Variants in SOX5 observed in about 807,000 individuals in gnomAD.
SOX5 encodes transcription factor SOX-5.
SOX5 carries 9 observed loss-of-function variants against 92.0 expected under a neutral mutation model. The observed-to-expected ratio is 0.10, with a 90% CI of 0.06 to 0.17. The LOEUF (loss-of-function observed/expected upper bound fraction) is 0.17, where lower values mean the gene tolerates loss of function less well. SOX5 is among the 10% of genes least tolerant of loss of function. The pLI is 1.00. For missense variants in SOX5, 642 were observed against 944.5 expected (o/e 0.68, Z 4.20); for synonymous variants, 344 against 336.3 (o/e 1.02, Z -0.25).
intron 1 of SOX5, among the ~76,000 whole-genome samples, chr12:24,416,735 G>C (rs2136873752): frequency 6.6e-6 from 1 of 152,300 alleles, no homozygotes; most frequent in East Asian, 1.9e-4. Context: ...AACACAGTTT[G>C]AATAACAATA....
chr12:24,450,816 T>G (rs555523752), intron 1 of SOX5, among the ~76,000 whole-genome samples: 9 of 152,194 alleles, frequency 5.9e-5, no homozygotes, highest in Admixed American at 5.9e-4. Flanking sequence ...TATGTTACAA[T>G]CCAATTATAC....
intron 2 of SOX5, among the ~76,000 whole-genome samples, chr12:24,320,849 A>C (rs144914316): frequency 1.2e-4 from 18 of 146,794 alleles, no homozygotes; most frequent in African/African-American, 4.7e-4. Context: ...TGGGCGACAG[A>C]GCAAGACTCT....
At chr12:23,953,083 A>G (rs1047433925), upstream of SOX5, among the ~76,000 whole-genome samples, 15 of 152,148 alleles carry the variant, frequency 9.9e-5, no homozygotes, top group African/African-American at 3.4e-4. Context: ...GTTTAATTGA[A>G]TATTTTAAAA....
chr12:23,628,922 TTC>T (rs2078183244), intron 8 of SOX5, among the ~76,000 whole-genome samples: 1 of 151,990 alleles, frequency 6.6e-6, no homozygotes, highest in African/African-American at 2.4e-5. Context: ...TTCTTGGTCC[TTC>T]TCTCAGAACA....
At chr12:24,184,592 T>C (rs1423356595) in intron 4 of SOX5, among the ~76,000 whole-genome samples, 1 of 152,148 alleles carries the variant, frequency 6.6e-6, no homozygotes, top group Non-Finnish European at 1.5e-5. Context: ...ACAATGCTAA[T>C]AACCTCACTA....
chr12:23,652,208 C>CTGTT (rs1048617244), intron 7 of SOX5, among the ~76,000 whole-genome samples: 6 of 152,172 alleles, frequency 3.9e-5, no homozygotes, highest in African/African-American at 1.4e-4. Flanking sequence ...ACAGCTGCCT[C>CTGTT]TGTTAATGAT....
chr12:24,048,554 A>G (rs1243906608), intron 4 of SOX5, among the ~76,000 whole-genome samples: 1 of 152,194 alleles, frequency 6.6e-6, no homozygotes, highest in East Asian at 1.9e-4. Flanking sequence ...TCATAACCAC[A>G]TTATTTATAA....
intron 4 of SOX5, among the ~76,000 whole-genome samples, chr12:24,088,141 A>C (rs182338337): frequency 7.2e-6 from 1 of 138,190 alleles, no homozygotes; most frequent in East Asian, 2.0e-4. Context: ...TCTCATCTTT[A>C]AAAAAAAATC....
intron 3 of SOX5, among the ~76,000 whole-genome samples, chr12:23,758,045 CTTT>C (rs1397353365): frequency 7.7e-6 from 1 of 129,062 alleles, no homozygotes; most frequent in Admixed American, 7.9e-5. Flanking sequence ...AGAATAACTT[CTTT>C]AAGACTAAGT....
chr12:23,631,314 ATAAAC>A (rs1406948856), intron 8 of SOX5, among the ~76,000 whole-genome samples: 1 of 152,126 alleles, frequency 6.6e-6, no homozygotes, highest in Non-Finnish European at 1.5e-5. Flanking sequence ...TACTAGTAAA[ATAAAC>A]TAAACCAACA....
At chr12:24,191,364 C>T (rs1053814867) in intron 4 of SOX5, among the ~76,000 whole-genome samples, 1 of 152,156 alleles carries the variant, frequency 6.6e-6, no homozygotes, top group Non-Finnish European at 1.5e-5. Flanking sequence ...GTTATCGGGT[C>T]TTTAATCTGC....
At chr12:24,512,827 G>T (rs754049572) in intron 1 of SOX5, among the ~76,000 whole-genome samples, 30 of 152,058 alleles carry the variant, frequency 2.0e-4, no homozygotes, top group Non-Finnish European at 4.0e-4. Flanking sequence ...TGTCAACCAG[G>T]GACTATAATC....
At chr12:24,206,511 G>A (rs1376233418) in intron 4 of SOX5, among the ~76,000 whole-genome samples, 1 of 152,076 alleles carries the variant, frequency 6.6e-6, no homozygotes, top group African/African-American at 2.4e-5. Context: ...AGTATGATGG[G>A]TCAGACTTCA....
chr12:24,511,785 C>T (rs990693704), intron 1 of SOX5, among the ~76,000 whole-genome samples: 80 of 151,924 alleles, frequency 5.3e-4, no homozygotes, highest in East Asian at 2.3e-3. Context: ...TGTGAAACCC[C>T]GTCTCTACTA....
chr12:23,674,408 G>A (rs1430155819), intron 6 of SOX5, among the ~76,000 whole-genome samples: 1 of 133,354 alleles, frequency 7.5e-6, no homozygotes, highest in African/African-American at 2.8e-5. Context: ...CACGATCTCG[G>A]CTCTCTGCAA....
chr12:24,324,428 T>C (rs866135648), intron 2 of SOX5, among the ~76,000 whole-genome samples: 2 of 152,158 alleles, frequency 1.3e-5, no homozygotes, highest in Non-Finnish European at 2.9e-5. Flanking sequence ...ATCTTGAAAT[T>C]CTTCTTTAGA....
chr12:24,528,066 A>G (rs1950865144), intron 1 of SOX5, among the ~76,000 whole-genome samples: 2 of 152,184 alleles, frequency 1.3e-5, no homozygotes, highest in South Asian at 4.1e-4. Context: ...AATTTTTATT[A>G]CTTTTGTTTT....
At chr12:23,967,536 C>A (rs1947741442) in intron 4 of SOX5, among the ~76,000 whole-genome samples, 1 of 151,602 alleles carries the variant, frequency 6.6e-6, no homozygotes, top group Admixed American at 6.6e-5. Flanking sequence ...TAATAGTTCC[C>A]CAGAGAGGTG....
chr12:24,394,918 G>A lies in SOX5; in HGVS notation c.-250-26279C>T, dbSNP rs371640573. Among the ~76,000 whole-genome samples the A allele has an allele frequency of 3.0e-3, 449 of 152,084 alleles. 2 individuals are homozygous for A. Among genetic ancestry groups the A allele is most frequent in the Non-Finnish European group, 3.8e-3 (260 of 67,984 alleles). On this transcript the variant is annotated intron_variant, in intron 1 of 4. Coordinates refer to the SOX5 transcript ENST00000446891. ...TTTTATTTTTTTCAAATTACGATAC[G>A]CCTTTTCACTACATGGTAGGCTTCA...
Sources: allele counts gnomAD v4.1 joint callset (sites outside exome capture counted in the v4.1 genomes callset), GRCh38; gene constraint gnomAD v4.1.1; transcripts MANE v1.5; gene names NCBI Gene and HGNC (gene_info 2026-07-23, HGNC 2026-07-21).